The following FLT3 variants were observed in gnomAD, a reference collection of about 807,000 sequenced individuals.
FLT3 encodes the protein fms related receptor tyrosine kinase 3.
A neutral mutation model predicts 126.6 loss-of-function variants in FLT3; 46 were observed. That is an observed-to-expected ratio of 0.36 (90% confidence interval 0.29 to 0.46). The LOEUF (loss-of-function observed/expected upper bound fraction) is 0.46. FLT3 is among the 20% of genes least tolerant of loss of function. The pLI is 1.00. For synonymous variants in FLT3, 404 were observed against 434.4 expected, an observed-to-expected ratio of 0.93 and a Z score of 0.87; for missense variants, 1,069 against 1,190.3, an observed-to-expected ratio of 0.90 and a Z score of 1.50.
rs771602262 is a variant in FLT3, at chr13:28,050,056, G to A, written c.742+39C>T. 100 of 1,604,698 alleles carry A rather than the reference G, an allele frequency of 6.2e-5. 1 individual carries two copies. In the South Asian group the frequency reaches 8.3e-4, roughly 13 times the overall value. ...TAGTCCCTGATAGTTGCTAAGAACC[G>A]GTCACTGAAAATGAAAGTGCATGAT... On this transcript the variant is annotated intron_variant, in intron 6 of 23. Transcript: ENST00000241453.
At chr13:28,089,269 A>G (rs1878876564) in intron 1 of FLT3, among the ~76,000 whole-genome samples, 2 of 152,250 alleles carry the variant, frequency 1.3e-5, no homozygotes, top group Non-Finnish European at 2.9e-5. Flanking sequence ...GACAAATGGT[A>G]CAATCACTTT....
At chr13:28,049,243 G>A in intron 8 of FLT3, 141 bp downstream of exon 8, 1 of 834,814 alleles carries the variant, frequency 1.2e-6, no homozygotes, top group South Asian at 1.7e-5. Flanking sequence ...GATTATCTTT[G>A]CAAAGCTATT....
chr13:28,073,188 T>A lies in FLT3; in HGVS notation c.44-2576A>T, dbSNP rs191267661. ...AAAGCATATCTCTAAAAATTTTTTTTAAATTAACTGGGCATAGTGGTGTGC... is the reference window on the plus strand; with the variant it reads ...AAAGCATATCTCTAAAAATTTTTTTAAAATTAACTGGGCATAGTGGTGTGC... On this transcript the variant is annotated intron_variant, in intron 1 of 23. Coordinates refer to ENST00000241453, the MANE Select transcript of FLT3 (RefSeq NM_004119.3). 5.1e-4 allele frequency among the ~76,000 whole-genome samples: 77 copies of A among 151,964 alleles called. 1 individual carries two copies. Among genetic ancestry groups the A allele is most frequent in the African/African-American group, 1.5e-3 (63 of 41,448 alleles).
intron 11 of FLT3, 108 bp downstream of exon 11, chr13:28,035,827 G>T: frequency 8.2e-7 from 1 of 1,221,874 alleles, no homozygotes; most frequent in Non-Finnish European, 1.2e-6. Context: ...GAGAAGGTTA[G>T]CATTTTAAAT....
chr13:28,031,634 T>C (rs893491021), intron 15 of FLT3, among the ~76,000 whole-genome samples: 2 of 151,754 alleles, frequency 1.3e-5, no homozygotes, highest in African/African-American at 4.8e-5. Flanking sequence ...ACAGAGGAAG[T>C]GGTGTTTAAG....
chr13:28,071,450 A>G (rs1432812460), intron 1 of FLT3, among the ~76,000 whole-genome samples: 2 of 152,148 alleles, frequency 1.3e-5, no homozygotes, highest in Admixed American at 6.6e-5. Context: ...TTTTCAATCT[A>G]GAAATTCATA....
intron 9 of FLT3, among the ~76,000 whole-genome samples, chr13:28,046,654 T>C (rs1281849493): frequency 2.6e-5 from 4 of 152,158 alleles, no homozygotes; most frequent in Non-Finnish European, 5.9e-5. Flanking sequence ...TGGAGTGCGG[T>C]GACGTGATCA....
chr13:28,093,900 G>C (rs1250159159), intron 1 of FLT3, among the ~76,000 whole-genome samples: 1 of 152,026 alleles, frequency 6.6e-6, no homozygotes. Flanking sequence ...AAAAACATCT[G>C]TGGAAGGAGG....
At chr13:28,059,770 T>C (rs1876369001) in intron 3 of FLT3, among the ~76,000 whole-genome samples, 1 of 151,856 alleles carries the variant, frequency 6.6e-6, no homozygotes, top group African/African-American at 2.4e-5. Flanking sequence ...GACCATCTTG[T>C]CCAACATGGT....
chr13:28,064,244 A>G (rs1369287161), intron 2 of FLT3, among the ~76,000 whole-genome samples: 1 of 152,254 alleles, frequency 6.6e-6, no homozygotes, highest in Non-Finnish European at 1.5e-5. Context: ...CAACTGGGAA[A>G]AAGAATTGAA....
intron 10 of FLT3, among the ~76,000 whole-genome samples, chr13:28,036,787 G>T (rs2504232): frequency 6.6e-6 from 1 of 151,990 alleles, no homozygotes; most frequent in African/African-American, 2.4e-5. Flanking sequence ...AGACCAACCT[G>T]GGCAACAAAG....
intron 1 of FLT3, among the ~76,000 whole-genome samples, chr13:28,097,753 C>T (rs1404001737): frequency 6.6e-6 from 1 of 152,154 alleles, no homozygotes; most frequent in East Asian, 1.9e-4. Flanking sequence ...CTGAATCATT[C>T]CCCCTTGGGC....
intron 5 of FLT3, among the ~76,000 whole-genome samples, chr13:28,051,739 G>A (rs951332273): frequency 2.7e-5 from 4 of 150,122 alleles, no homozygotes; most frequent in African/African-American, 9.8e-5. Flanking sequence ...GTAGAGATGG[G>A]GTTTCACCAT....
chr13:28,034,822 C>T (rs1307124750), intron 12 of FLT3, among the ~76,000 whole-genome samples: 2 of 151,956 alleles, frequency 1.3e-5, no homozygotes, highest in African/African-American at 4.8e-5. Flanking sequence ...GGCGTGGTGG[C>T]AGGTGCCTGT....
intron 15 of FLT3, among the ~76,000 whole-genome samples, chr13:28,031,085 G>A (rs552725072): frequency 7.9e-5 from 12 of 152,036 alleles, no homozygotes; most frequent in South Asian, 2.1e-4. Context: ...AAATTTAGCC[G>A]GGCGTGGTGG....
chr13:28,010,425 G>C (rs1032455267), intron 23 of FLT3, among the ~76,000 whole-genome samples: 1 of 152,206 alleles, frequency 6.6e-6, no homozygotes, highest in Non-Finnish European at 1.5e-5. Context: ...TTCAGAAGCA[G>C]CAGCCTGAAA....
chr13:28,098,039 G>T (rs997447125), intron 1 of FLT3, among the ~76,000 whole-genome samples: 3 of 152,144 alleles, frequency 2.0e-5, no homozygotes, highest in Non-Finnish European at 4.4e-5. Flanking sequence ...GCATGGCCGG[G>T]TGTGGTGGCT....
chr13:28,020,460 G>A (rs1248834827), intron 19 of FLT3, among the ~76,000 whole-genome samples: 1 of 152,156 alleles, frequency 6.6e-6, no homozygotes, highest in Non-Finnish European at 1.5e-5. Flanking sequence ...CGATTCTCAT[G>A]CCTCAGCCTC....
chr13:28,077,071 A>AAAAG (rs774036624), intron 1 of FLT3, among the ~76,000 whole-genome samples: 14 of 127,582 alleles, frequency 1.1e-4, no homozygotes, highest in South Asian at 2.8e-4. Flanking sequence ...AAGAAGAAAG[A>AAAAG]AAAGAAAGAA....
Sources: gnomAD v4.1 joint callset for allele counts (sites outside exome capture counted in the v4.1 genomes callset) on GRCh38, gnomAD v4.1.1 for gene constraint, MANE v1.5 for transcripts, NCBI Gene and HGNC (gene_info 2026-07-23, HGNC 2026-07-21) for gene names.